CCDC6: variants seen among roughly 807,000 people sequenced by gnomAD.
CCDC6 encodes the protein coiled-coil domain-containing protein 6.
Under a neutral mutation model 56.6 loss-of-function variants are expected in CCDC6, and 20 were observed. The observed-to-expected ratio is 0.35, with a 90% CI of 0.25 to 0.51. The LOEUF is 0.51. CCDC6 is among the 20% of genes least tolerant of loss of function. The pLI is 0.95. For missense variants in CCDC6, 367 were observed against 601.1 expected, an observed-to-expected ratio of 0.61 and a Z score of 4.07; for synonymous variants, 241 against 234.4, an observed-to-expected ratio of 1.03 and a Z score of -0.26.
intron 1 of CCDC6, among the ~76,000 whole-genome samples, chr10:59,855,221 T>C (rs976603434): frequency 1.3e-5 from 2 of 152,162 alleles, no homozygotes; most frequent in South Asian, 2.1e-4. Context: ...TACTAAGTCA[T>C]AGGGACAGGA....
intron 3 of CCDC6, among the ~76,000 whole-genome samples, chr10:59,815,260 T>C (rs2070701810): frequency 6.6e-6 from 1 of 152,136 alleles, no homozygotes. Flanking sequence ...CAAAATATGA[T>C]AAACACCAAA....
At chr10:59,806,767 C>T in intron 6 of CCDC6, 155 bp downstream of exon 6, 1 of 513,408 alleles carries the variant, frequency 1.9e-6, no homozygotes, top group Non-Finnish European at 3.3e-6. Flanking sequence ...TTATCCCATT[C>T]TTGGCATCTA....
intron 6 of CCDC6, among the ~76,000 whole-genome samples, chr10:59,806,260 G>A (rs183935871): frequency 1.3e-5 from 2 of 152,316 alleles, no homozygotes; most frequent in Admixed American, 1.3e-4. Flanking sequence ...TAGAGAGGAG[G>A]AAGAGGGAAG....
At chr10:59,808,933 C>T (rs867703461) in intron 5 of CCDC6, among the ~76,000 whole-genome samples, 31 of 152,194 alleles carry the variant, frequency 2.0e-4, no homozygotes, top group African/African-American at 7.0e-4. Flanking sequence ...AACACTATTA[C>T]GTGCACTAAA....
At chr10:59,823,330 T>C (rs564645484) in intron 3 of CCDC6, among the ~76,000 whole-genome samples, 3 of 152,260 alleles carry the variant, frequency 2.0e-5, no homozygotes, top group Admixed American at 2.0e-4. Context: ...ACACACCCTC[T>C]GGGGCTTCAG....
chr10:59,815,436 A>G (rs1477475071), intron 3 of CCDC6, among the ~76,000 whole-genome samples: 1 of 152,204 alleles, frequency 6.6e-6, no homozygotes, highest in Non-Finnish European at 1.5e-5. Flanking sequence ...TGTAATAAAT[A>G]CTGAGAACAA....
At chr10:59,889,520 C>G (rs1294750591) in intron 1 of CCDC6, among the ~76,000 whole-genome samples, 1 of 152,198 alleles carries the variant, frequency 6.6e-6, no homozygotes, top group Non-Finnish European at 1.5e-5. Context: ...CTGCCCAGGC[C>G]AAACACAGTC....
At chr10:59,845,266 C>T (rs934382199) in intron 2 of CCDC6, among the ~76,000 whole-genome samples, 8 of 151,514 alleles carry the variant, frequency 5.3e-5, no homozygotes, top group African/African-American at 1.9e-4. Flanking sequence ...TTGTTTTTCC[C>T]CTCTATCTAC....
intron 1 of CCDC6, among the ~76,000 whole-genome samples, chr10:59,868,824 A>G (rs2071200614): frequency 6.6e-6 from 1 of 152,190 alleles, no homozygotes; most frequent in South Asian, 2.1e-4. Context: ...GTGTGGTTAC[A>G]ATGCCACATT....
At chr10:59,814,549 C>T (rs1030039738) in intron 4 of CCDC6, 103 bp downstream of exon 4, 1 of 688,940 alleles carries the variant, frequency 1.5e-6, no homozygotes, top group Non-Finnish European at 2.6e-6. Context: ...TGTGCATCAC[C>T]AAAGAATTAA....
chr10:59,867,485 G>A (rs927600480), intron 1 of CCDC6, among the ~76,000 whole-genome samples: 4 of 152,070 alleles, frequency 2.6e-5, no homozygotes, highest in Non-Finnish European at 4.4e-5. Flanking sequence ...TGATAAAACC[G>A]CAGTCTCCAC....
chr10:59,898,468 A>G (rs2071480048), intron 1 of CCDC6, among the ~76,000 whole-genome samples: 1 of 152,218 alleles, frequency 6.6e-6, no homozygotes, highest in African/African-American at 2.4e-5. Flanking sequence ...GGAAGCTGGA[A>G]GGTAAAATTC....
chr10:59,804,504 A>C lies in CCDC6; in HGVS notation c.1021T>G (p.Ser341Ala). 1 of 1,607,544 alleles carries C rather than the reference A, an allele frequency of 6.2e-7. No homozygotes were observed. Among genetic ancestry groups the C allele is most frequent in the Non-Finnish European group, 8.5e-7 (1 of 1,173,984 alleles). Residue 341 changes from serine to alanine, a missense_variant, in exon 7 of 9, where the codon TCT becomes GCT. Physicochemically the swap from Ser to Ala is moderately conservative, Grantham distance 99. Around this residue, in one of 7 missense-constraint regions of CCDC6, gnomAD observed 81 missense variants for 150.8 expected, o/e 0.54. Coordinates refer to ENST00000263102, the MANE Select transcript of CCDC6 (RefSeq NM_005436.5). ...MDDERYFNEM[S>A]AQGLRPRTVS... ...GTGCGAGGTCTTAATCCTTGTGCAG[A>C]CATCTCATTAAAATACCTAAGAGGA...
chr10:59,805,038 T>C (rs554473787), intron 6 of CCDC6: 1 of 159,392 alleles, frequency 6.3e-6, no homozygotes, highest in Non-Finnish European at 1.4e-5. Flanking sequence ...TAGGATTTAA[T>C]AAGCCTTGAG....
intron 1 of CCDC6, among the ~76,000 whole-genome samples, chr10:59,858,822 T>G (rs1018635228): frequency 1.3e-5 from 2 of 152,212 alleles, no homozygotes; most frequent in Non-Finnish European, 2.9e-5. Flanking sequence ...ATTTATTAAC[T>G]TATTTTCTTA....
At chr10:59,794,187 G>A (rs1228899023) in intron 8 of CCDC6, among the ~76,000 whole-genome samples, 1 of 152,170 alleles carries the variant, frequency 6.6e-6, no homozygotes, top group Non-Finnish European at 1.5e-5. Context: ...ATAATGCAAG[G>A]AGCTGGCCAG....
intron 1 of CCDC6, among the ~76,000 whole-genome samples, chr10:59,874,989 A>G (rs1309049092): frequency 6.6e-6 from 1 of 152,246 alleles, no homozygotes; most frequent in Non-Finnish European, 1.5e-5. Context: ...ATTTGTAATA[A>G]TTTGTTACAG....
chr10:59,836,130 G>A (rs1276579959), intron 2 of CCDC6, among the ~76,000 whole-genome samples: 1 of 151,290 alleles, frequency 6.6e-6, no homozygotes, highest in Non-Finnish European at 1.5e-5. Flanking sequence ...TGAGACAAGG[G>A]TTAAGATGAG....
intron 3 of CCDC6, among the ~76,000 whole-genome samples, chr10:59,821,557 G>T (rs548303545): frequency 2.3e-4 from 35 of 152,240 alleles, no homozygotes; most frequent in African/African-American, 8.4e-4. Context: ...GTATCCCCAG[G>T]TGTCTATTTG....
Sources: allele counts gnomAD v4.1 joint callset (sites outside exome capture counted in the v4.1 genomes callset), GRCh38; gene constraint gnomAD v4.1.1; regional missense constraint gnomAD v4.1.1; transcripts MANE v1.5; gene names NCBI Gene and HGNC (gene_info 2026-07-23, HGNC 2026-07-21).